The following APBB2 variants were observed in gnomAD, a reference collection of about 807,000 sequenced individuals.
The protein encoded by APBB2 is amyloid beta precursor protein binding family B member 2.
APBB2 carries 38 observed loss-of-function variants against 82.5 expected under a neutral mutation model. That is an observed-to-expected ratio of 0.46 (90% CI 0.36 to 0.60). The LOEUF (loss-of-function observed/expected upper bound fraction) is 0.60. Ranked by LOEUF, APBB2 falls within the 20% of genes least tolerant of loss-of-function variation. The probability of loss-of-function intolerance (pLI) is 0.00; values close to 1 mark genes in which losing one functional copy is unlikely to be tolerated. For missense variants in APBB2, 772 were observed against 972.3 expected (o/e 0.79, Z 2.74); for synonymous variants, 341 against 368.2 (o/e 0.93, Z 0.85).
chr4:40,845,970 G>GGTGGGTAGGTGGGT lies in APBB2; in HGVS notation c.1530-15407_1530-15394dup, dbSNP rs1390889497. On this transcript the variant is annotated intron_variant, in intron 12 of 17. Transcript: ENST00000508593. ...TTTATTTTTTCCCTCCAGCTTCAGG[G>GGTGGGTAGGTGGGT]GTGGGTAGGTGGGTGTGGGTGGGTG... is the stretch of plus-strand genomic sequence containing the variant. Among the ~76,000 whole-genome samples, 253 of 137,452 alleles carry GGTGGGTAGGTGGGT rather than the reference G, an allele frequency of 1.8e-3. 2 individuals are homozygous for GGTGGGTAGGTGGGT. Among genetic ancestry groups the GGTGGGTAGGTGGGT allele is most frequent in the African/African-American group, 7.1e-3 (247 of 34,844 alleles). The allele number at this position is 137,452 out of a possible 152,430, so 90.2% of individuals were successfully genotyped here.
chr4:41,044,762 T>A (rs1722790896), intron 4 of APBB2, among the ~76,000 whole-genome samples: 1 of 152,202 alleles, frequency 6.6e-6, no homozygotes, highest in Non-Finnish European at 1.5e-5. Flanking sequence ...CAAAGGACTT[T>A]TTCTTTTTCT....
intron 1 of APBB2, among the ~76,000 whole-genome samples, chr4:41,144,112 C>T (rs115062705): frequency 2.8e-4 from 42 of 152,278 alleles, no homozygotes; most frequent in African/African-American, 9.1e-4. Flanking sequence ...ACAGTTATGA[C>T]GACATCTGTA....
chr4:41,125,415 C>A (rs1186676329), intron 2 of APBB2, among the ~76,000 whole-genome samples: 1 of 152,146 alleles, frequency 6.6e-6, no homozygotes, highest in East Asian at 1.9e-4. Context: ...CACTTTAGGT[C>A]TCCAGGTATT....
chr4:40,827,500 A>G (rs1028290392), intron 13 of APBB2, among the ~76,000 whole-genome samples: 2 of 152,118 alleles, frequency 1.3e-5, no homozygotes, highest in Non-Finnish European at 2.9e-5. Context: ...CCTCTACTAG[A>G]AACAACTCAA....
At chr4:41,154,465 C>T (rs10031816) in intron 1 of APBB2, among the ~76,000 whole-genome samples, 56,596 of 152,004 alleles carry the variant, frequency 0.37, 12,553 homozygotes, top group African/African-American at 0.63. Context: ...TTTTTCTGAA[C>T]GAGTAAAGAA....
chr4:41,141,422 C>T (rs1759173521), intron 2 of APBB2, among the ~76,000 whole-genome samples: 1 of 152,146 alleles, frequency 6.6e-6, no homozygotes, highest in South Asian at 2.1e-4. Context: ...CTTCCCTTCC[C>T]ACCAATCTCT....
chr4:41,162,496 T>G (rs1237227015), intron 1 of APBB2, among the ~76,000 whole-genome samples: 1 of 152,194 alleles, frequency 6.6e-6, no homozygotes, highest in African/African-American at 2.4e-5. Flanking sequence ...CTCACCCATA[T>G]GCATTCTTTC....
intron 12 of APBB2, among the ~76,000 whole-genome samples, chr4:40,855,311 C>T (rs998317252): frequency 6.6e-6 from 1 of 152,214 alleles, no homozygotes; most frequent in Non-Finnish European, 1.5e-5. Context: ...ATCACCAGCA[C>T]CAATGCCCAG....
At chr4:40,905,814 G>A (rs1776547228) in intron 10 of APBB2, among the ~76,000 whole-genome samples, 1 of 152,174 alleles carries the variant, frequency 6.6e-6, no homozygotes, top group African/African-American at 2.4e-5. Flanking sequence ...ATTCAGGGGA[G>A]GCCAAAGCTC....
chr4:40,867,682 G>A (rs1764374463), intron 12 of APBB2, among the ~76,000 whole-genome samples: 1 of 152,154 alleles, frequency 6.6e-6, no homozygotes, highest in Non-Finnish European at 1.5e-5. Flanking sequence ...TGGGGCTCCT[G>A]TTCTCTGAGA....
chr4:41,058,869 A>G (rs1728739496), intron 4 of APBB2, among the ~76,000 whole-genome samples: 1 of 152,164 alleles, frequency 6.6e-6, no homozygotes, highest in African/African-American at 2.4e-5. Context: ...TGAGGGAGAG[A>G]TCATTAACAA....
chr4:40,958,057 T>C (rs1473194283), intron 6 of APBB2, among the ~76,000 whole-genome samples: 1 of 152,146 alleles, frequency 6.6e-6, no homozygotes, highest in Non-Finnish European at 1.5e-5. Flanking sequence ...CAGCTAAAAA[T>C]TACCTAGAAG....
intron 12 of APBB2, chr4:40,881,009 A>C: frequency 1.0e-6 from 1 of 985,452 alleles, no homozygotes; most frequent in South Asian, 4.7e-5. Context: ...TTGGACAATC[A>C]CTTACGATGT....
intron 12 of APBB2, among the ~76,000 whole-genome samples, chr4:40,852,991 G>T (rs532230512): frequency 6.6e-6 from 1 of 152,242 alleles, no homozygotes; most frequent in Non-Finnish European, 1.5e-5. Flanking sequence ...GTTGTTCCAT[G>T]GCTTAATAAC....
chr4:41,122,702 G>A (rs1379912890), intron 2 of APBB2, among the ~76,000 whole-genome samples: 1 of 152,128 alleles, frequency 6.6e-6, no homozygotes, highest in African/African-American at 2.4e-5. Flanking sequence ...GCCATTATCT[G>A]CAATAAACCA....
chr4:40,862,478 A>C (rs903973674), intron 12 of APBB2, among the ~76,000 whole-genome samples: 3 of 152,240 alleles, frequency 2.0e-5, no homozygotes, highest in African/African-American at 7.2e-5. Flanking sequence ...CATTTGTATG[A>C]CACTTGCATA....
intron 6 of APBB2, among the ~76,000 whole-genome samples, chr4:40,986,147 T>C (rs563598994): frequency 1.3e-5 from 2 of 152,344 alleles, no homozygotes; most frequent in Admixed American, 1.3e-4. Context: ...AACTCAAAAT[T>C]ATTTATTTCC....
intron 12 of APBB2, among the ~76,000 whole-genome samples, chr4:40,845,729 A>C (rs571649859): frequency 6.6e-6 from 1 of 152,000 alleles, no homozygotes; most frequent in South Asian, 2.1e-4. Context: ...CACTTTTCAC[A>C]AACTGAGCAC....
rs1184662871 is a variant in APBB2 at position 40,816,178 on chromosome 4, T to C, written c.2194A>G (p.Arg732Gly). 1 of 1,614,266 alleles carries C rather than the reference T, an allele frequency of 6.2e-7. No homozygotes were observed. Among genetic ancestry groups the C allele is most frequent in the East Asian group, 2.2e-5 (1 of 44,892 alleles). The change falls in exon 18 of 18, where the codon AGA becomes GGA. Residue 732 changes from arginine (R) to glycine (G), a missense_variant. By Grantham distance (125) the Arg-to-Gly change is moderately radical. Coordinates refer to ENST00000508593, the MANE Select transcript of APBB2 (RefSeq NM_004307.2). ...PPPPPADSVTRRVTTNVKRGV... is the reference protein window; with the variant it reads ...PPPPPADSVTGRVTTNVKRGV... Reference sequence around the variant, plus strand: ...CGTTTTACATTGGTTGTGACTCTTCTGGTTACTGAATCTGCTGGCGGTGGA... The same window carrying C: ...CGTTTTACATTGGTTGTGACTCTTCCGGTTACTGAATCTGCTGGCGGTGGA...
Sources: gnomAD v4.1 joint callset for allele counts (sites outside exome capture counted in the v4.1 genomes callset) on GRCh38, gnomAD v4.1.1 for gene constraint, MANE v1.5 for transcripts, NCBI Gene and HGNC (gene_info 2026-07-23, HGNC 2026-07-21) for gene names.